The following PELI2 variants were observed in gnomAD, a reference collection of about 807,000 sequenced individuals.
The protein encoded by PELI2 is pellino E3 ubiquitin protein ligase family member 2, also known as E3 ubiquitin-protein ligase pellino homolog 2.
In PELI2, 23 loss-of-function variants were observed where a neutral mutation model predicts 42.3. That is an observed-to-expected ratio of 0.54 (90% CI 0.39 to 0.77). The LOEUF is 0.77. PELI2 is among the 30% of genes least tolerant of loss of function. The pLI is 0.00. For missense variants in PELI2, 463 were observed against 553.2 expected, an observed-to-expected ratio of 0.84 and a Z score of 1.64; for synonymous variants, 245 against 212.2, an observed-to-expected ratio of 1.15 and a Z score of -1.34.
intron 5 of PELI2, among the ~76,000 whole-genome samples, chr14:56,292,211 G>A (rs965287635): frequency 1.1e-4 from 16 of 152,126 alleles, no homozygotes; most frequent in African/African-American, 3.6e-4. Flanking sequence ...CCCTATAAGC[G>A]ACACTGAGAA....
At chr14:56,121,732 C>T (rs539101726) in intron 1 of PELI2, among the ~76,000 whole-genome samples, 29 of 152,300 alleles carry the variant, frequency 1.9e-4, no homozygotes, top group African/African-American at 6.5e-4. Flanking sequence ...TTAATTCCTC[C>T]TCCTCCTCTC....
rs1249081408 is a variant in PELI2, at chr14:56,290,372, G to A, written c.612G>A (p.Gln204=). 6.2e-7 allele frequency: 1 copy of A among 1,613,930 alleles called. No individual in the cohort carries two copies. Among genetic ancestry groups the A allele is most frequent in the Non-Finnish European group, 8.5e-7 (1 of 1,179,856 alleles). Residue 204 remains glutamine, a synonymous_variant, in exon 5 of 6, where the codon CAG becomes CAA. Transcript: ENST00000267460. ...HPRGGFTEES[Q]PGVWREISVC... is the part of the protein sequence containing the mutation. The stretch of plus-strand genomic sequence containing the variant: ...GAGGGGGCTTCACCGAGGAGTCCCA[G>A]CCCGGGGTCTGGCGCGAGATCTCTG...
chr14:56,130,455 T>A (rs1883444267), intron 1 of PELI2, among the ~76,000 whole-genome samples: 1 of 151,912 alleles, frequency 6.6e-6, no homozygotes, highest in Admixed American at 6.6e-5. Flanking sequence ...TGTTTTTTTT[T>A]AACCAAACCC....
Position 56,157,024 on chromosome 14 carries a change from G to C in PELI2, c.78-21311G>C, listed in dbSNP as rs575277028. Among the ~76,000 whole-genome samples the C allele has an allele frequency of 4.1e-4, 63 of 152,252 alleles. No homozygotes were observed. The South Asian group carries it at 0.013, about 31-fold the overall frequency. On this transcript the variant is annotated intron_variant, in intron 1 of 5. Transcript: ENST00000267460. ...GTACATGGCTGTTGACTGACTCCTA[G>C]CATCCATGTAAAATATAACATGCTA...
intron 2 of PELI2, among the ~76,000 whole-genome samples, chr14:56,277,105 G>A (rs1889321424): frequency 6.6e-6 from 1 of 152,134 alleles, no homozygotes; most frequent in African/African-American, 2.4e-5. Flanking sequence ...GCTGTTTCTG[G>A]TGTTTTCTAA....
At chr14:56,296,495 C>CT (rs1252015982) in intron 5 of PELI2, 105 bp from the exon 6 acceptor site, 1 of 752,398 alleles carries the variant, frequency 1.3e-6, no homozygotes, top group East Asian at 2.6e-5. Context: ...AATTGCTTCC[C>CT]TGTGTTATCT....
At chr14:56,133,744 C>A (rs1457146871) in intron 1 of PELI2, among the ~76,000 whole-genome samples, 1 of 152,214 alleles carries the variant, frequency 6.6e-6, no homozygotes, top group Admixed American at 6.5e-5. Flanking sequence ...TCCCCCTTTT[C>A]CCTCCAGTCA....
intron 2 of PELI2, among the ~76,000 whole-genome samples, chr14:56,262,559 A>G (rs904701493): frequency 6.6e-6 from 1 of 152,202 alleles, no homozygotes; most frequent in African/African-American, 2.4e-5. Flanking sequence ...TGAGGATGGG[A>G]TAATAAAAAT....
chr14:56,137,905 T>C (rs1385241620), intron 1 of PELI2, among the ~76,000 whole-genome samples: 1 of 152,248 alleles, frequency 6.6e-6, no homozygotes, highest in Non-Finnish European at 1.5e-5. Context: ...GCTTGCTTGC[T>C]CTGGGCTGTG....
chr14:56,218,353 CTT>C (rs1160112533), intron 2 of PELI2, among the ~76,000 whole-genome samples: 1 of 152,228 alleles, frequency 6.6e-6, no homozygotes, highest in African/African-American at 2.4e-5. Context: ...AAGAATTGCA[CTT>C]TCTTCTTATT....
intron 2 of PELI2, among the ~76,000 whole-genome samples, chr14:56,258,270 CTT>C (rs1393162063): frequency 1.3e-5 from 2 of 151,998 alleles, no homozygotes; most frequent in African/African-American, 4.8e-5. Context: ...GTCCAACACT[CTT>C]AACAAAATCA....
chr14:56,214,406 G>A (rs1311471231), intron 2 of PELI2, among the ~76,000 whole-genome samples: 1 of 152,154 alleles, frequency 6.6e-6, no homozygotes, highest in East Asian at 1.9e-4. Context: ...GATTGATTGG[G>A]TTTAGGAAGT....
intron 1 of PELI2, among the ~76,000 whole-genome samples, chr14:56,173,945 A>G (rs139025193): frequency 0.013 from 1,925 of 152,316 alleles, 33 homozygotes; most frequent in African/African-American, 0.04. Context: ...TCTGTCGCCC[A>G]GGCTGGAGTA....
chr14:56,253,639 A>C (rs566099454), intron 2 of PELI2, among the ~76,000 whole-genome samples: 1 of 152,352 alleles, frequency 6.6e-6, no homozygotes, highest in Non-Finnish European at 1.5e-5. Context: ...AATACAACTT[A>C]CAAGGGATGT....
chr14:56,146,000 G>A (rs1884100788), intron 1 of PELI2, among the ~76,000 whole-genome samples: 2 of 152,166 alleles, frequency 1.3e-5, no homozygotes, highest in South Asian at 4.1e-4. Flanking sequence ...TAAAGTCATT[G>A]AAATCCAAAT....
At chr14:56,194,589 A>C (rs1408034753) in intron 2 of PELI2, among the ~76,000 whole-genome samples, 2 of 152,182 alleles carry the variant, frequency 1.3e-5, no homozygotes, top group African/African-American at 2.4e-5. Flanking sequence ...GTGACACTTA[A>C]GTGCTAAATA....
intron 2 of PELI2, among the ~76,000 whole-genome samples, chr14:56,234,700 T>A (rs939107190): frequency 6.6e-6 from 1 of 152,180 alleles, no homozygotes; most frequent in Non-Finnish European, 1.5e-5. Context: ...TGTATACATA[T>A]GTAACAAAGC....
chr14:56,143,153 A>ATG (rs896031875), intron 1 of PELI2, among the ~76,000 whole-genome samples: 6 of 152,156 alleles, frequency 3.9e-5, no homozygotes, highest in Non-Finnish European at 5.9e-5. Context: ...TTTCATGACC[A>ATG]TGACTCTTTT....
intron 5 of PELI2, 60 bp downstream of exon 5, chr14:56,290,516 C>A: frequency 7.7e-7 from 1 of 1,299,924 alleles, no homozygotes; most frequent in Non-Finnish European, 1.1e-6. Context: ...AACTCGAAGG[C>A]TATCATTTTC....
Sources: gnomAD v4.1 joint callset for allele counts (sites outside exome capture counted in the v4.1 genomes callset) on GRCh38, gnomAD v4.1.1 for gene constraint, MANE v1.5 for transcripts, NCBI Gene and HGNC (gene_info 2026-07-23, HGNC 2026-07-21) for gene names.